SEC24D: variants seen among roughly 807,000 people sequenced by gnomAD.
The protein encoded by SEC24D is SEC24 homolog D, COPII component, also known as protein transport protein Sec24D.
SEC24D carries 69 observed loss-of-function variants against 116.9 expected under a neutral mutation model. That is an observed-to-expected ratio of 0.59 (90% CI 0.49 to 0.72). The LOEUF (loss-of-function observed/expected upper bound fraction) is 0.72, where lower values mean the gene tolerates loss of function less well. SEC24D is among the 30% of genes least tolerant of loss of function. The pLI is 0.00. For synonymous variants in SEC24D, 405 were observed against 442.8 expected (o/e 0.91, Z 1.07); for missense variants, 1,131 against 1,264.1 (o/e 0.89, Z 1.60).
At chr4:118,742,219 C>T (rs987025946) in intron 15 of SEC24D, among the ~76,000 whole-genome samples, 1 of 152,006 alleles carries the variant, frequency 6.6e-6, no homozygotes, top group Non-Finnish European at 1.5e-5. Flanking sequence ...CACAGAGCAC[C>T]CCCTGCCTAC....
intron 11 of SEC24D, 43 bp downstream of exon 11, chr4:118,757,678 G>C: frequency 6.4e-7 from 1 of 1,568,364 alleles, no homozygotes; most frequent in Non-Finnish European, 8.6e-7. Context: ...AAATTAATTA[G>C]GCAATAATGT....
rs145989354 is a variant in SEC24D at position 118,829,452 on chromosome 4, C to G, written c.118+4127G>C. Among the ~76,000 whole-genome samples, 778 of 152,194 alleles carry G rather than the reference C, an allele frequency of 5.1e-3. 7 individuals carry two copies. Among genetic ancestry groups the G allele is most frequent in the African/African-American group, 0.018 (746 of 41,528 alleles). On this transcript the variant is annotated intron_variant, in intron 2 of 22. Transcript: ENST00000280551. ...ATTTGAGCCCAGGAGTTCAAGGCTG[C>G]AGTGAGCTATAATTTCGTCACTGCA...
At chr4:118,742,045 G>T (rs1375352475) in intron 15 of SEC24D, among the ~76,000 whole-genome samples, 2 of 151,938 alleles carry the variant, frequency 1.3e-5, no homozygotes, top group African/African-American at 2.4e-5. Context: ...TTCCTCTGCT[G>T]CATTATAACA....
chr4:118,740,138 G>A (rs1443975876), intron 17 of SEC24D, among the ~76,000 whole-genome samples: 1 of 152,120 alleles, frequency 6.6e-6, no homozygotes, highest in Non-Finnish European at 1.5e-5. Context: ...ATGTAACAGA[G>A]GGAAGATGAT....
At chr4:118,749,218 G>A (rs932829065) in intron 13 of SEC24D, among the ~76,000 whole-genome samples, 2 of 152,066 alleles carry the variant, frequency 1.3e-5, no homozygotes, top group Admixed American at 6.6e-5. Flanking sequence ...AAGATGCTGT[G>A]GACATGGAAG....
chr4:118,781,831 T>A (rs1728425733), intron 8 of SEC24D, among the ~76,000 whole-genome samples: 1 of 152,214 alleles, frequency 6.6e-6, no homozygotes, highest in African/African-American at 2.4e-5. Context: ...ATTTCATTAA[T>A]TTGATCTTCG....
At chr4:118,742,398 A>G (rs1162559130) in intron 15 of SEC24D, among the ~76,000 whole-genome samples, 2 of 152,130 alleles carry the variant, frequency 1.3e-5, no homozygotes, top group Non-Finnish European at 2.9e-5. Flanking sequence ...TTCTGATGAA[A>G]TTTATCCCCC....
chr4:118,807,114 T>C (rs1233725436), intron 6 of SEC24D, among the ~76,000 whole-genome samples: 1 of 152,254 alleles, frequency 6.6e-6, no homozygotes, highest in Non-Finnish European at 1.5e-5. Context: ...CAAATGTCTT[T>C]TGATCTTCAA....
At chr4:118,789,233 C>T (rs1415959432) in intron 8 of SEC24D, among the ~76,000 whole-genome samples, 1 of 152,220 alleles carries the variant, frequency 6.6e-6, no homozygotes, top group African/African-American at 2.4e-5. Context: ...ACATAAGCTG[C>T]TATCTTCCTA....
At chr4:118,780,650 T>TA (rs1366471203) in intron 8 of SEC24D, among the ~76,000 whole-genome samples, 1 of 152,180 alleles carries the variant, frequency 6.6e-6, no homozygotes, top group Non-Finnish European at 1.5e-5. Context: ...AAGTCCTGGA[T>TA]ATCCTTGTTA....
In SEC24D at chr4:118,738,374, T is replaced by G. The variant is rs773021505; in HGVS notation, c.2383A>C (p.Lys795Gln). 34 of 1,597,562 alleles carry G rather than the reference T, an allele frequency of 2.1e-5. No homozygotes were observed. The highest frequency in any genetic ancestry group is 2.8e-5 in the Non-Finnish European group (33 of 1,165,272). Residue 795 changes from lysine to glutamine, a missense_variant, in exon 19 of 23, where the codon AAA (lysine) becomes CAA (glutamine). Transcript: ENST00000280551. ...LINFFAKSAF[K>Q]AVLHQPLKVI... ...TTCAAAGGCTGGTGGAGAACTGCTT[T>G]AAAAGCTACATCACAAAACAATGAA...
At chr4:118,745,814 A>C (rs1190114827) in intron 13 of SEC24D, among the ~76,000 whole-genome samples, 1 of 152,146 alleles carries the variant, frequency 6.6e-6, no homozygotes, top group Non-Finnish European at 1.5e-5. Context: ...CATACTGCAC[A>C]CTGCTCCAGA....
chr4:118,801,918 T>C (rs994410700), intron 7 of SEC24D, among the ~76,000 whole-genome samples: 1 of 152,234 alleles, frequency 6.6e-6, no homozygotes, highest in Non-Finnish European at 1.5e-5. Flanking sequence ...TTTGAGATGC[T>C]TAATAAAGAG....
At chr4:118,775,022 C>G (rs1267100678) in intron 8 of SEC24D, among the ~76,000 whole-genome samples, 2 of 152,084 alleles carry the variant, frequency 1.3e-5, no homozygotes, top group Non-Finnish European at 2.9e-5. Context: ...TAAATCTGGC[C>G]CCTCAAGATC....
chr4:118,732,940 C>T (rs530118518), intron 19 of SEC24D, 28 bp from the exon 20 acceptor site: 15 of 1,580,058 alleles, frequency 9.5e-6, no homozygotes, highest in South Asian at 4.5e-5. Context: ...TTGTTTCATA[C>T]GCTTGATCTT....
rs760422493 is a variant in SEC24D, at chr4:118,739,190, C to A, written c.2336G>T (p.Ser779Ile). Residue 779 changes from serine (S) to isoleucine (I), a missense_variant, in exon 18 of 23, where the codon AGC (serine) becomes ATC (isoleucine). Coordinates refer to ENST00000280551, the MANE Select transcript of SEC24D (RefSeq NM_014822.4). ...CSSQLADLYKSCETDALINFF... is the reference protein window; with the variant it reads ...CSSQLADLYKICETDALINFF... ...GTTGATAAGAGCATCTGTCTCACAG[C>A]TCTTATAAAGATCAGCTAGCTGAGA... is the stretch of plus-strand genomic sequence containing the variant. The A allele has an allele frequency of 6.2e-7, 1 of 1,613,672 alleles. No individual in the cohort carries two copies. The highest frequency in any genetic ancestry group is 8.5e-7 in the Non-Finnish European group (1 of 1,179,672).
intron 3 of SEC24D, among the ~76,000 whole-genome samples, chr4:118,820,789 A>G (rs1402752682): frequency 6.6e-6 from 1 of 152,150 alleles, no homozygotes; most frequent in Non-Finnish European, 1.5e-5. Context: ...ATATATTTTA[A>G]TTTATGGTTT....
At chr4:118,810,239 G>T (rs1249979856) in intron 6 of SEC24D, among the ~76,000 whole-genome samples, 4 of 151,980 alleles carry the variant, frequency 2.6e-5, no homozygotes, top group African/African-American at 2.4e-5. Context: ...GCCATGACAT[G>T]ATCTGACTTA....
intron 2 of SEC24D, among the ~76,000 whole-genome samples, chr4:118,831,087 T>A (rs982266723): frequency 2.0e-5 from 3 of 152,168 alleles, no homozygotes; most frequent in African/African-American, 7.2e-5. Flanking sequence ...AGTGGCGTGA[T>A]CTTGGCTCAC....
Sources: allele counts gnomAD v4.1 joint callset (sites outside exome capture counted in the v4.1 genomes callset), GRCh38; gene constraint gnomAD v4.1.1; transcripts MANE v1.5; gene names NCBI Gene and HGNC (gene_info 2026-07-23, HGNC 2026-07-21).